The following LRP5 variants were observed in gnomAD, a reference collection of about 807,000 sequenced individuals.
LRP5 encodes LDL receptor related protein 5.
In LRP5, 62 loss-of-function variants were observed where a neutral mutation model predicts 154.1. The ratio of observed to expected loss-of-function variants is 0.40; its 90% confidence interval spans 0.33 to 0.50. The LOEUF (loss-of-function observed/expected upper bound fraction) is 0.50, where lower values mean the gene tolerates loss of function less well. Ranked by LOEUF, LRP5 falls within the 20% of genes least tolerant of loss-of-function variation. LRP5 has a pLI of 0.55. For synonymous variants in LRP5, 966 were observed against 1,011.5 expected (o/e 0.96, Z 0.85); for missense variants, 1,915 against 2,336.7 (o/e 0.82, Z 3.72).
At chr11:68,331,218 C>T (rs1250133546) in intron 1 of LRP5, among the ~76,000 whole-genome samples, 1 of 152,212 alleles carries the variant, frequency 6.6e-6, no homozygotes, top group African/African-American at 2.4e-5. Context: ...TGGAGTTGTG[C>T]CTAAGCTGAT....
At chr11:68,409,814 C>T (rs1031934321) in intron 9 of LRP5, 100 bp from the exon 10 acceptor site, 5 of 905,752 alleles carry the variant, frequency 5.5e-6, no homozygotes, top group Non-Finnish European at 8.9e-6. Context: ...CGCACCATTG[C>T]ACTCCAGGCT....
At chr11:68,319,358 A>G (rs1240113431) in intron 1 of LRP5, among the ~76,000 whole-genome samples, 2 of 151,864 alleles carry the variant, frequency 1.3e-5, no homozygotes, top group Non-Finnish European at 2.9e-5. Flanking sequence ...GTGAGCCACC[A>G]TGCCCAGCCT....
At chr11:68,344,894 G>A (rs1047085479) in intron 1 of LRP5, among the ~76,000 whole-genome samples, 43 of 105,668 alleles carry the variant, frequency 4.1e-4, no homozygotes, top group Admixed American at 3.1e-4. Context: ...ACAGAGTCTC[G>A]CTCTGTCATC....
upstream of LRP5, among the ~76,000 whole-genome samples, chr11:68,307,807 G>A (rs2098584800): frequency 6.6e-6 from 1 of 152,180 alleles, no homozygotes; most frequent in Admixed American, 6.5e-5. Flanking sequence ...GAGACAGCTA[G>A]ACATTATCTT....
chr11:68,386,621 G>A lies in LRP5; in HGVS notation c.1321G>A (p.Glu441Lys), dbSNP rs376152274. Residue 441 changes from glutamate (E) to lysine (K), a missense_variant, in exon 6 of 23, where the codon GAG becomes AAG. Physicochemically the swap from Glu to Lys is moderately conservative, Grantham distance 56. Transcript: ENST00000294304. The surrounding 1 kb of genome is among the most constrained non-coding windows in gnomAD (Gnocchi z 7.9). ...GACCGACACGGGCACGGACCGCATC[G>A]AGGTGACGCGCCTCAACGGCACCTC... ...YWTDTGTDRI[E>K]VTRLNGTSRK... is the part of the protein sequence containing the mutation. 1 of 1,613,550 alleles carries A rather than the reference G, an allele frequency of 6.2e-7. No homozygotes were observed. The highest frequency in any genetic ancestry group is 1.3e-5 in the African/African-American group (1 of 74,918).
chr11:68,374,100 G>A (rs1283552296), intron 5 of LRP5, among the ~76,000 whole-genome samples: 1 of 152,206 alleles, frequency 6.6e-6, no homozygotes, highest in African/African-American at 2.4e-5. Flanking sequence ...CGTCTGTCAG[G>A]GACAGGAAAC....
At chr11:68,438,323 C>T in intron 19 of LRP5, 123 bp from the exon 20 acceptor site, 1 of 987,912 alleles carries the variant, frequency 1.0e-6, no homozygotes, top group Non-Finnish European at 1.6e-6. Flanking sequence ...AGCTCCCCCA[C>T]TTTCTCCCCA....
At position 68,328,876 on chromosome 11, in the gene LRP5, C is replaced by T. The variant is rs564000855; in HGVS notation, c.91+16071C>T. Reference sequence around the variant, plus strand: ...GGGTAGCCCAGTCTGCAGGACACGGCGCAGAGGTAGAGTTGGTGGCTTCAC... The same window carrying T: ...GGGTAGCCCAGTCTGCAGGACACGGTGCAGAGGTAGAGTTGGTGGCTTCAC... On this transcript the variant is annotated intron_variant, in intron 1 of 22. Coordinates refer to ENST00000294304, the MANE Select transcript of LRP5 (RefSeq NM_002335.4). Among the ~76,000 whole-genome samples the T allele has an allele frequency of 2.6e-5, 4 of 152,318 alleles. No homozygotes were observed. In the South Asian group the frequency reaches 8.3e-4, roughly 32 times the overall value.
the LRP5 span, among the ~76,000 whole-genome samples, chr11:68,305,833 G>T: frequency 6.6e-6 from 1 of 152,222 alleles, no homozygotes; most frequent in African/African-American, 2.4e-5. Flanking sequence ...CTGTAAGATG[G>T]GTTTGTGAAG....
At chr11:68,326,522 G>A (rs917215559) in intron 1 of LRP5, among the ~76,000 whole-genome samples, 11 of 152,238 alleles carry the variant, frequency 7.2e-5, no homozygotes, top group Admixed American at 3.9e-4. Flanking sequence ...CGCCCTGGCC[G>A]TGACGGTCAG....
intron 13 of LRP5, among the ~76,000 whole-genome samples, chr11:68,419,300 A>G (rs1412244082): frequency 7.2e-6 from 1 of 138,442 alleles, no homozygotes; most frequent in Non-Finnish European, 1.6e-5. Flanking sequence ...TGGTGCGATC[A>G]TGGCTCACTG....
Position 68,443,592 on chromosome 11 carries a change from T to A in LRP5, c.4489-2844T>A, listed in dbSNP as rs1488810339. Among the ~76,000 whole-genome samples, 9 of 101,384 alleles carry A rather than the reference T, an allele frequency of 8.9e-5. No homozygotes were observed. In the East Asian group the frequency reaches 2.4e-3, roughly 27 times the overall value. The allele number at this position is 101,384 out of a possible 152,430, so 66.5% of individuals were successfully genotyped here. ...ATATATATATATATATATATTTTTT[T>A]TTTTTTTGGTTATGTTCAGAAAGGC... is the stretch of plus-strand genomic sequence containing the variant. On this transcript the variant is annotated intron_variant, in intron 21 of 22. Transcript: ENST00000294304.
At chr11:68,410,447 G>T (rs546358258) in intron 10 of LRP5, among the ~76,000 whole-genome samples, 19 of 152,326 alleles carry the variant, frequency 1.2e-4, no homozygotes, top group Admixed American at 3.3e-4. Flanking sequence ...GCAGAAACAG[G>T]CTCAGAGAAA....
chr11:68,437,104 G>C, intron 19 of LRP5, 105 bp downstream of exon 19: 1 of 972,946 alleles, frequency 1.0e-6, no homozygotes, highest in Non-Finnish European at 1.6e-6. Context: ...TGGGGGCTGT[G>C]TGGGAGACTC....
chr11:68,437,196 C>T (rs1026468903), intron 19 of LRP5, among the ~76,000 whole-genome samples, 197 bp downstream of exon 19: 2 of 152,154 alleles, frequency 1.3e-5, no homozygotes, highest in Non-Finnish European at 2.9e-5. Flanking sequence ...GAGCTGTGGG[C>T]TCGGCGGCTA....
At chr11:68,442,473 A>G (rs2098678718) in intron 21 of LRP5, among the ~76,000 whole-genome samples, 1 of 152,066 alleles carries the variant, frequency 6.6e-6, no homozygotes, top group South Asian at 2.1e-4. Context: ...GTGAGGCCTC[A>G]CTAAATTTCC....
chr11:68,337,452 G>A (rs903548240), intron 1 of LRP5, among the ~76,000 whole-genome samples: 11 of 152,186 alleles, frequency 7.2e-5, no homozygotes, highest in African/African-American at 2.4e-4. Context: ...ACTTGAGTGC[G>A]TAATTGCCTC....
At chr11:68,443,263 G>A (rs2098679092) in intron 21 of LRP5, among the ~76,000 whole-genome samples, 6 of 151,660 alleles carry the variant, frequency 4.0e-5, no homozygotes, top group Non-Finnish European at 8.8e-5. Flanking sequence ...AGCACTTTAG[G>A]AGGCTGAGAT....
At chr11:68,368,410 C>T (rs1480479648) in intron 5 of LRP5, among the ~76,000 whole-genome samples, 1 of 152,236 alleles carries the variant, frequency 6.6e-6, no homozygotes, top group East Asian at 1.9e-4. Flanking sequence ...CGAGAAGGAA[C>T]AGCACGTGCA....
Sources: gnomAD v4.1 joint callset for allele counts (sites outside exome capture counted in the v4.1 genomes callset) on GRCh38, gnomAD v4.1.1 for gene constraint, Gnocchi (gnomAD v3.1) non-coding constraint, MANE v1.5 for transcripts, NCBI Gene and HGNC (gene_info 2026-07-23, HGNC 2026-07-21) for gene names.